Variants in LARGE1 observed in about 807,000 individuals in gnomAD.
LARGE1 encodes LARGE xylosyl- and glucuronyltransferase 1, also known as xylosyl- and glucuronyltransferase LARGE1.
LARGE1 carries 43 observed loss-of-function variants against 87.6 expected under a neutral mutation model. The observed-to-expected ratio is 0.49, with a 90% CI of 0.38 to 0.63. The LOEUF is 0.63. Ranked by LOEUF, LARGE1 falls within the 30% of genes least tolerant of loss-of-function variation. The pLI is 0.00. For missense variants in LARGE1, 802 were observed against 1,000.2 expected, an observed-to-expected ratio of 0.80 and a Z score of 2.67; for synonymous variants, 434 against 394.6, an observed-to-expected ratio of 1.10 and a Z score of -1.18.
At chr22:33,912,194 AC>A (rs2065657815) in intron 1 of LARGE1, among the ~76,000 whole-genome samples, 1 of 152,188 alleles carries the variant, frequency 6.6e-6, no homozygotes, top group Non-Finnish European at 1.5e-5. Context: ...TGAAGGATCT[AC>A]GCAACTGTTC....
At chr22:33,421,101 G>T (rs1470920137) in intron 7 of LARGE1, among the ~76,000 whole-genome samples, 3 of 152,050 alleles carry the variant, frequency 2.0e-5, no homozygotes, top group Non-Finnish European at 4.4e-5. Flanking sequence ...AGGTAGGAAA[G>T]TTGCTTGAAC....
At chr22:33,514,532 C>T (rs942200596) in intron 6 of LARGE1, among the ~76,000 whole-genome samples, 12 of 152,082 alleles carry the variant, frequency 7.9e-5, no homozygotes, top group African/African-American at 2.9e-4. Flanking sequence ...TAACTATTTA[C>T]ATGGTGCTAG....
At chr22:33,262,091 G>A (rs1048792265) in intron 11 of LARGE1, among the ~76,000 whole-genome samples, 21 of 152,210 alleles carry the variant, frequency 1.4e-4, no homozygotes, top group African/African-American at 5.1e-4. Context: ...TAGCGCCTTT[G>A]ATCTCCACGA....
chr22:33,912,202 G>A (rs2065658077), intron 1 of LARGE1, among the ~76,000 whole-genome samples: 1 of 152,172 alleles, frequency 6.6e-6, no homozygotes, highest in Admixed American at 6.5e-5. Context: ...CTACGCAACT[G>A]TTCTAAAAAC....
At position 33,504,374 on chromosome 22, in the gene LARGE1, C is replaced by T. The variant is rs370484788; in HGVS notation, c.787+60474G>A. Among the ~76,000 whole-genome samples, 414 of 152,284 alleles carry T rather than the reference C, an allele frequency of 2.7e-3. 2 individuals are homozygous for T. Among genetic ancestry groups the T allele is most frequent in the African/African-American group, 9.6e-3 (397 of 41,568 alleles). On this transcript the variant is annotated intron_variant, in intron 6 of 14. Transcript: ENST00000397394. The stretch of plus-strand genomic sequence containing the variant: ...TCCCGGGTTCAAGCAATTCTCCTGC[C>T]TCAGCCTTCCGAGTAGCTGGGGTTA...
At chr22:33,545,669 C>T (rs1300740140) in intron 6 of LARGE1, among the ~76,000 whole-genome samples, 1 of 152,102 alleles carries the variant, frequency 6.6e-6, no homozygotes, top group Non-Finnish European at 1.5e-5. Context: ...GAACTTCTTA[C>T]CTCAAGTGAT....
chr22:33,593,153 A>T (rs889584238), intron 5 of LARGE1, among the ~76,000 whole-genome samples: 2 of 88,696 alleles, frequency 2.3e-5, no homozygotes, highest in East Asian at 4.8e-4. Flanking sequence ...TTCTGTTTTT[A>T]AAATTTTTTT....
chr22:33,331,228 G>A (rs1248555949), intron 10 of LARGE1, among the ~76,000 whole-genome samples: 1 of 152,056 alleles, frequency 6.6e-6, no homozygotes, highest in East Asian at 1.9e-4. Context: ...TAAACCCAAG[G>A]CTCAGAGCAT....
chr22:33,500,105 C>G (rs757634324), intron 6 of LARGE1, among the ~76,000 whole-genome samples: 1 of 152,160 alleles, frequency 6.6e-6, no homozygotes, highest in African/African-American at 2.4e-5. Context: ...CATAAAGATA[C>G]CATGTATACA....
chr22:33,391,963 G>T (rs962029690), intron 7 of LARGE1, among the ~76,000 whole-genome samples: 4 of 151,598 alleles, frequency 2.6e-5, no homozygotes, highest in African/African-American at 9.7e-5. Flanking sequence ...TAGAGACAGG[G>T]TTACACTATG....
At chr22:33,283,102 C>A in intron 13 of LARGE1, 100 bp downstream of exon 13, 1 of 1,473,166 alleles carries the variant, frequency 6.8e-7, no homozygotes, top group Non-Finnish European at 9.5e-7. Flanking sequence ...TGGACTAAGG[C>A]GAGCGACAAA....
chr22:33,495,982 G>A (rs2070096926), intron 6 of LARGE1, among the ~76,000 whole-genome samples: 1 of 152,072 alleles, frequency 6.6e-6, no homozygotes, highest in Non-Finnish European at 1.5e-5. Flanking sequence ...TTCTATAAAG[G>A]GAAGTTATTA....
Position 33,419,463 on chromosome 22 carries a change from T to TGCA in LARGE1, c.892+12695_892+12697dup, listed in dbSNP as rs569853634. Among the ~76,000 whole-genome samples, 235 of 151,938 alleles carry TGCA rather than the reference T, an allele frequency of 1.5e-3. 1 individual carries two copies. Among genetic ancestry groups the TGCA allele is most frequent in the African/African-American group, 5.5e-3 (228 of 41,440 alleles). On this transcript the variant is annotated intron_variant, in intron 7 of 14. Transcript: ENST00000397394. ...AAGTACACGCCTGCTTGGTGGCCTT[T>TGCA]GCACGTGCCGTCCTCTCTATCTGGG... is the stretch of plus-strand genomic sequence containing the variant.
intron 1 of LARGE1, among the ~76,000 whole-genome samples, chr22:33,908,057 T>C (rs1569027263): frequency 6.6e-6 from 1 of 152,118 alleles, no homozygotes; most frequent in Non-Finnish European, 1.5e-5. Context: ...CCGGAATACT[T>C]TGAGAGGCTA....
chr22:33,584,306 T>C (rs911709745), intron 5 of LARGE1, among the ~76,000 whole-genome samples: 3 of 152,158 alleles, frequency 2.0e-5, no homozygotes, highest in African/African-American at 7.2e-5. Flanking sequence ...GCTTCTGTGT[T>C]CTCGACAATG....
chr22:33,855,731 G>A (rs1382124603), intron 1 of LARGE1, among the ~76,000 whole-genome samples: 1 of 152,154 alleles, frequency 6.6e-6, no homozygotes, highest in East Asian at 1.9e-4. Context: ...GAAACTCAGA[G>A]TGGGGGGGTT....
chr22:33,709,994 A>C (rs201223005), intron 2 of LARGE1, among the ~76,000 whole-genome samples: 2 of 151,694 alleles, frequency 1.3e-5, no homozygotes, highest in East Asian at 3.9e-4. Flanking sequence ...AAAAAAAAAA[A>C]AAAAAAGGAA....
At chr22:33,425,648 G>A (rs964486521) in intron 7 of LARGE1, among the ~76,000 whole-genome samples, 2 of 152,178 alleles carry the variant, frequency 1.3e-5, no homozygotes, top group Admixed American at 6.5e-5. Flanking sequence ...TCCATCTACA[G>A]GCAGTTTGTC....
intron 11 of LARGE1, among the ~76,000 whole-genome samples, chr22:33,233,794 A>C (rs945224418): frequency 6.6e-6 from 1 of 152,230 alleles, no homozygotes; most frequent in Non-Finnish European, 1.5e-5. Flanking sequence ...TCTGGAGGCC[A>C]GAAGTCCAAG....
Sources: gnomAD v4.1 joint callset for allele counts (sites outside exome capture counted in the v4.1 genomes callset) on GRCh38, gnomAD v4.1.1 for gene constraint, MANE v1.5 for transcripts, NCBI Gene and HGNC (gene_info 2026-07-23, HGNC 2026-07-21) for gene names.